The following EBF3 variants were observed in gnomAD, a reference collection of about 807,000 sequenced individuals.
The protein encoded by EBF3 is transcription factor COE3.
Under a neutral mutation model 77.1 loss-of-function variants are expected in EBF3, and 18 were observed. That is an observed-to-expected ratio of 0.23 (90% CI 0.16 to 0.35). The LOEUF (loss-of-function observed/expected upper bound fraction) is 0.35, where lower values mean the gene tolerates loss of function less well. Among genes scored for constraint, EBF3 ranks in the 10% least tolerant of loss-of-function variants. The pLI, the probability that EBF3 is intolerant of heterozygous loss-of-function variation, is 1.00. For missense variants in EBF3, 558 were observed against 860.0 expected, an observed-to-expected ratio of 0.65 and a Z score of 4.39; for synonymous variants, 350 against 343.5, an observed-to-expected ratio of 1.02 and a Z score of -0.21.
chr10:129,860,311 C>CACCT (rs1022809690), intron 10 of EBF3, among the ~76,000 whole-genome samples: 11 of 152,042 alleles, frequency 7.2e-5, no homozygotes, highest in African/African-American at 2.7e-4. Flanking sequence ...CCAGAGGACC[C>CACCT]ACCTACTCAG....
At chr10:129,840,743 A>C (rs1313745969) in intron 14 of EBF3, 101 bp downstream of exon 14, 1 of 1,479,572 alleles carries the variant, frequency 6.8e-7, no homozygotes, top group East Asian at 2.3e-5. Flanking sequence ...CCTTCCTTTT[A>C]TCCAGTAGCT....
rs1857995894 is a variant in EBF3 at position 129,944,035 on chromosome 10, A to T, written c.554+13223T>A. 6.6e-6 allele frequency among the ~76,000 whole-genome samples: 1 copy of T among 152,172 alleles called. No homozygotes were observed. The highest frequency in any genetic ancestry group is 6.5e-5 in the Admixed American group (1 of 15,280). On this transcript the variant is annotated intron_variant, in intron 6 of 16. Transcript: ENST00000440978. This position sits in a 1 kb window ranked among gnomAD's most constrained non-coding sequence, Gnocchi z 5.1. ...AACATTTCATCTCTAGTGTTATGTT[A>T]TTATCGCCTTTATGTTTTAATCCAT...
In EBF3 at chr10:129,943,253, TA is replaced by T. The variant is rs1857915911; in HGVS notation, c.554+14004del. Among the ~76,000 whole-genome samples, 1 of 152,096 alleles carries T rather than the reference TA, an allele frequency of 6.6e-6. No individual in the cohort carries two copies. Among genetic ancestry groups the T allele is most frequent in the African/African-American group, 2.4e-5 (1 of 41,414 alleles). ...ATTTCAGCGGCTCTCCACAAACAAA[TA>T]AACAGCAAATACTTACAGGAGACAG... On this transcript the variant is annotated intron_variant, in intron 6 of 16. Transcript: ENST00000440978. This position sits in a 1 kb window ranked among gnomAD's most constrained non-coding sequence, Gnocchi z 8.8.
At chr10:129,843,330 C>A (rs757562720) in intron 11 of EBF3, 128 bp from the exon 12 acceptor site, 1 of 933,682 alleles carries the variant, frequency 1.1e-6, no homozygotes, top group Non-Finnish European at 1.6e-6. Flanking sequence ...CTGGCCCTGC[C>A]GTGCACTTCG....
chr10:129,893,231 T>C (rs1287354607), intron 6 of EBF3, among the ~76,000 whole-genome samples: 1 of 152,224 alleles, frequency 6.6e-6, no homozygotes, highest in African/African-American at 2.4e-5. Context: ...AAATAAAGAT[T>C]GGCATTCACT....
chr10:129,916,126 C>T (rs2134323906), intron 6 of EBF3, among the ~76,000 whole-genome samples: 1 of 152,312 alleles, frequency 6.6e-6, no homozygotes, highest in African/African-American at 2.4e-5. Context: ...GCAGGGCCGG[C>T]CCTCACTGCT....
At chr10:129,843,076 G>T in intron 12 of EBF3, 61 bp downstream of exon 12, 1 of 1,545,522 alleles carries the variant, frequency 6.5e-7, no homozygotes, top group Non-Finnish European at 8.8e-7. Context: ...GAGCCACGCC[G>T]GCTGCCCACG....
At position 129,840,904 on chromosome 10, in the gene EBF3, G is replaced by A; in HGVS notation, c.1501C>T (p.Leu501=). The A allele has an allele frequency of 6.2e-7, 1 of 1,614,164 alleles. No homozygotes were observed. The highest frequency in any genetic ancestry group is 8.5e-7 in the Non-Finnish European group (1 of 1,180,030). ...NGYGSGAMAS[L]GVPGSPGFLN... is the part of the protein sequence containing the mutation. The stretch of plus-strand genomic sequence containing the variant: ...AATCCAGGCGAGCCAGGGACCCCTA[G>A]ACTGGCCATGGCGCCACTTCCATAT... Residue 501 remains leucine, a synonymous_variant, in exon 14 of 17, where the codon CTA becomes TTA. Coordinates refer to ENST00000440978, the MANE Select transcript of EBF3 (RefSeq NM_001375380.1).
At chr10:129,925,159 G>A (rs948956587) in intron 6 of EBF3, among the ~76,000 whole-genome samples, 2 of 152,018 alleles carry the variant, frequency 1.3e-5, no homozygotes, top group African/African-American at 4.8e-5. Flanking sequence ...AAAGTAATGG[G>A]CCAGGCGCAG....
rs192138003 is a variant in EBF3 at position 129,867,988 on chromosome 10, G to C, written c.782-76C>G. On this transcript the variant is annotated intron_variant, in intron 8 of 16. Transcript: ENST00000440978. Reference sequence around the variant, plus strand: ...ACGCTGGGCCGCTCGGCCACCGCGCGTCCCGCGGCCACCGCGGGAGGAGAG... The same window carrying C: ...ACGCTGGGCCGCTCGGCCACCGCGCCTCCCGCGGCCACCGCGGGAGGAGAG... 44 of 1,566,094 alleles carry C rather than the reference G, an allele frequency of 2.8e-5. No homozygotes were observed. In the East Asian group the frequency reaches 4.8e-4, roughly 17 times the overall value.
chr10:129,919,174 C>T (rs1856097368), intron 6 of EBF3, among the ~76,000 whole-genome samples: 1 of 152,168 alleles, frequency 6.6e-6, no homozygotes, highest in Admixed American at 6.5e-5. Context: ...TGCTTGAAAT[C>T]CAAGATGGCA....
rs940938881 is a variant in EBF3, at chr10:129,844,876, T to A, written c.1129-1674A>T. ...CTCTGTGAGCAAGATAAAGTGTTTT[T>A]CAGAGGTATTAATAATTACTCATAA... On this transcript the variant is annotated intron_variant, in intron 11 of 16. Transcript: ENST00000440978. 2.6e-5 allele frequency among the ~76,000 whole-genome samples: 4 copies of A among 152,238 alleles called. 1 individual carries two copies. Among genetic ancestry groups the A allele is most frequent in the Non-Finnish European group, 5.9e-5 (4 of 68,050 alleles).
chr10:129,897,895 A>G lies in EBF3; in HGVS notation c.555-20046T>C, dbSNP rs1434418964. Among the ~76,000 whole-genome samples the G allele has an allele frequency of 6.6e-6, 1 of 152,320 alleles. No individual in the cohort carries two copies. The highest frequency in any genetic ancestry group is 2.1e-4 in the South Asian group (1 of 4,826). On this transcript the variant is annotated intron_variant, in intron 6 of 16. Transcript: ENST00000440978. This position sits in a 1 kb window ranked among gnomAD's most constrained non-coding sequence, Gnocchi z 4.6. ...TGTTCCAGCATCCTCCAAATGCTGC[A>G]ATTTCTGCCCTTTTCCTGGTGAGGA...
At position 129,842,981 on chromosome 10, in the gene EBF3, G is replaced by A. The variant is rs1443152558; in HGVS notation, c.1194+156C>T. 1.3e-5 allele frequency among the ~76,000 whole-genome samples: 2 copies of A among 152,136 alleles called. No individual in the cohort carries two copies. Among genetic ancestry groups the A allele is most frequent in the Non-Finnish European group, 2.9e-5 (2 of 68,038 alleles). On this transcript the variant is annotated intron_variant, in intron 12 of 16. Transcript: ENST00000440978. The surrounding 1 kb of genome is among the most constrained non-coding windows in gnomAD (Gnocchi z 4.4). The stretch of plus-strand genomic sequence containing the variant: ...CATCATTTCTACGTGAACCTAGCGT[G>A]AGGGCAAGGATGGGAAGCCATTCTC...
Position 129,944,625 on chromosome 10 carries a change from G to A in EBF3, c.554+12633C>T, listed in dbSNP as rs560776387. On this transcript the variant is annotated intron_variant, in intron 6 of 16. Transcript: ENST00000440978. This position sits in a 1 kb window ranked among gnomAD's most constrained non-coding sequence, Gnocchi z 5.1. ...GGGAGCATTTTCTTAGTGGAAGCTG[G>A]AGCGCCCCTCACACCACACGGTGAA... is the stretch of plus-strand genomic sequence containing the variant. 6.6e-6 allele frequency among the ~76,000 whole-genome samples: 1 copy of A among 152,232 alleles called. No individual in the cohort carries two copies. Among genetic ancestry groups the A allele is most frequent in the African/African-American group, 2.4e-5 (1 of 41,554 alleles).
intron 6 of EBF3, among the ~76,000 whole-genome samples, chr10:129,901,951 T>A (rs1296743913): frequency 1.3e-5 from 2 of 152,202 alleles, no homozygotes; most frequent in East Asian, 3.8e-4. Flanking sequence ...TAACGAACAT[T>A]CCCAAATTGT....
At chr10:129,886,450 C>G (rs896449403) in intron 6 of EBF3, among the ~76,000 whole-genome samples, 12 of 152,208 alleles carry the variant, frequency 7.9e-5, no homozygotes, top group Non-Finnish European at 1.6e-4. Flanking sequence ...TCATCCATTA[C>G]TCGGAACAGC....
At chr10:129,939,060 C>G (rs915489019) in intron 6 of EBF3, among the ~76,000 whole-genome samples, 1 of 152,216 alleles carries the variant, frequency 6.6e-6, no homozygotes, top group Admixed American at 6.5e-5. Flanking sequence ...ATCTGAATCT[C>G]AAGTTCATTA....
chr10:129,926,234 G>A lies in EBF3; in HGVS notation c.554+31024C>T, dbSNP rs570093300. 2.0e-5 allele frequency among the ~76,000 whole-genome samples: 3 copies of A among 152,286 alleles called. No individual in the cohort carries two copies. The East Asian group carries it at 5.8e-4, about 29-fold the overall frequency. The stretch of plus-strand genomic sequence containing the variant: ...CTGACGGGTGCCAGTCCCGTGCCAG[G>A]CAGGACGAGAATGGCGGAACGCACA... On this transcript the variant is annotated intron_variant, in intron 6 of 16. Coordinates refer to ENST00000440978, the MANE Select transcript of EBF3 (RefSeq NM_001375380.1).
Sources: allele counts gnomAD v4.1 joint callset (sites outside exome capture counted in the v4.1 genomes callset), GRCh38; gene constraint gnomAD v4.1.1; non-coding constraint Gnocchi (gnomAD v3.1); transcripts MANE v1.5; gene names NCBI Gene and HGNC (gene_info 2026-07-23, HGNC 2026-07-21).